PTGFRN: variants seen among roughly 807,000 people sequenced by gnomAD.
PTGFRN encodes prostaglandin F2 receptor negative regulator.
Under a neutral mutation model 83.2 loss-of-function variants are expected in PTGFRN, and 35 were observed. That is an observed-to-expected ratio of 0.42 (90% confidence interval 0.32 to 0.56). PTGFRN has a LOEUF of 0.56. Ranked by LOEUF, PTGFRN falls within the 20% of genes least tolerant of loss-of-function variation. The pLI is 0.11. For missense variants in PTGFRN, 1,051 were observed against 1,179.5 expected (o/e 0.89, Z 1.60); for synonymous variants, 519 against 498.6 (o/e 1.04, Z -0.55).
intron 1 of PTGFRN, among the ~76,000 whole-genome samples, chr1:116,938,778 G>A (rs1201961964): frequency 6.6e-6 from 1 of 152,186 alleles, no homozygotes; most frequent in Admixed American, 6.5e-5. Flanking sequence ...GACAAGGCAA[G>A]TTCCTTCTGC....
Position 116,949,414 on chromosome 1 carries a change from A to C in PTGFRN, c.1055A>C (p.Asp352Ala), listed in dbSNP as rs561296592. 731 of 1,614,220 alleles carry C rather than the reference A, an allele frequency of 4.5e-4. 7 individuals carry two copies. In the South Asian group the frequency reaches 7.7e-3, roughly 17 times the overall value. The change falls in exon 4 of 9, where the codon GAT (aspartate) becomes GCT (alanine). Residue 352 changes from aspartate to alanine, a missense_variant. Around this residue, in one of 3 missense-constraint regions of PTGFRN, gnomAD observed 719 missense variants for 836.6 expected, o/e 0.86. Transcript: ENST00000393203. ...CCTCATGTTGCTTTGAGTCATGTGG[A>C]TGCACGCTCCTACCATTTACTGGTT... ...SSPHVALSHV[D>A]ARSYHLLVRD... is the part of the protein sequence containing the mutation.
chr1:116,974,188 A>G (rs372725916), intron 6 of PTGFRN, 28 bp from the exon 7 acceptor site: 12 of 1,492,302 alleles, frequency 8.0e-6, no homozygotes, highest in African/African-American at 2.8e-5. Context: ...GAAAGAGAAT[A>G]ATGAGGCTGG....
chr1:116,959,679 G>A (rs891034371), intron 4 of PTGFRN, among the ~76,000 whole-genome samples: 3 of 152,106 alleles, frequency 2.0e-5, no homozygotes, highest in African/African-American at 7.2e-5. Flanking sequence ...GAAGAAAAAC[G>A]TAGCCCTTTA....
At position 116,986,795 on chromosome 1, in the gene PTGFRN, T is replaced by G. The variant is rs769309275; in HGVS notation, c.2474-6T>G. 1.2e-6 allele frequency: 2 copies of G among 1,613,752 alleles called. No individual in the cohort carries two copies. The highest frequency in any genetic ancestry group is 2.2e-5 in the South Asian group (2 of 91,076). On this transcript the variant is annotated splice_region_variant and splice_polypyrimidine_tract_variant and intron_variant, in intron 8 of 8. Transcript: ENST00000393203. The stretch of plus-strand genomic sequence containing the variant: ...ACTGGCTTCCCCTTTGATCTCTCCC[T>G]CCCAGTGCTGAACGCCTTCAAGTAT...
At chr1:116,982,168 G>T (rs1221217619) in intron 7 of PTGFRN, among the ~76,000 whole-genome samples, 2 of 152,172 alleles carry the variant, frequency 1.3e-5, no homozygotes, top group African/African-American at 4.8e-5. Context: ...TACCATGTTT[G>T]CCCTTAAAGT....
intron 1 of PTGFRN, among the ~76,000 whole-genome samples, chr1:116,930,446 A>G (rs916572736): frequency 6.6e-6 from 1 of 150,736 alleles, no homozygotes; most frequent in Non-Finnish European, 1.5e-5. Flanking sequence ...TTTCCTTTTT[A>G]CCCCCCACTC....
At chr1:116,985,551 AAAAC>A (rs918340437) in intron 8 of PTGFRN, among the ~76,000 whole-genome samples, 44 of 152,138 alleles carry the variant, frequency 2.9e-4, no homozygotes, top group Admixed American at 9.2e-4. Context: ...ACAAAAAAGA[AAAAC>A]AAAATTAGCC....
intron 2 of PTGFRN, 34 bp from the exon 3 acceptor site, chr1:116,944,645 G>A (rs1243488147): frequency 7.2e-7 from 1 of 1,386,896 alleles, no homozygotes; most frequent in Non-Finnish European, 9.4e-7. Flanking sequence ...GGTCGGTGTG[G>A]ACGGGCTACT....
Position 116,961,095 on chromosome 1 carries a change from A to G in PTGFRN, c.1214-148A>G, listed in dbSNP as rs571394938. The G allele has an allele frequency of 1.2e-5, 11 of 884,794 alleles. No homozygotes were observed. In the South Asian group the frequency reaches 1.6e-4, roughly 13 times the overall value. The allele number at this position is 884,794 out of a possible 1,614,324, so 54.8% of individuals were successfully genotyped here. On this transcript the variant is annotated intron_variant, in intron 4 of 8. Coordinates refer to ENST00000393203, the MANE Select transcript of PTGFRN (RefSeq NM_020440.4). This position sits in a 1 kb window ranked among gnomAD's most constrained non-coding sequence, Gnocchi z 5.4. Reference sequence around the variant, plus strand: ...AAACACTGTTCTAGGATCCTATCCAATGCAACGACTGATTTCTGTCTCTCT... The same window carrying G: ...AAACACTGTTCTAGGATCCTATCCAGTGCAACGACTGATTTCTGTCTCTCT...
rs774356615 is a variant in PTGFRN, at chr1:116,984,795, C to T, written c.2283C>T (p.Asp761=). 1.9e-6 allele frequency: 3 copies of T among 1,614,140 alleles called. No individual in the cohort carries two copies. The South Asian group carries it at 3.3e-5, about 18-fold the overall frequency. The change falls in exon 8 of 9, where the codon GAC becomes GAT. Residue 761 remains aspartate, a synonymous_variant. Transcript: ENST00000393203. ...GCATCGTGACCACCTCCCGGAGGGA[C>T]TGGAAGAGCGACCTCAGCCTGGAGC... The part of the protein sequence containing the change: ...RKGIVTTSRR[D]WKSDLSLERV...
At chr1:116,982,868 G>T (rs74351896) in intron 7 of PTGFRN, among the ~76,000 whole-genome samples, 1 of 152,154 alleles carries the variant, frequency 6.6e-6, no homozygotes, top group Admixed American at 6.5e-5. Flanking sequence ...GGCCTCTGGA[G>T]GGGGGAGGGT....
intron 1 of PTGFRN, among the ~76,000 whole-genome samples, chr1:116,930,998 T>G (rs1649784606): frequency 1.3e-5 from 2 of 152,246 alleles, no homozygotes; most frequent in African/African-American, 4.8e-5. Flanking sequence ...GTCCTCATTC[T>G]CTTTTGACCC....
Position 116,934,518 on chromosome 1 carries a change from A to AT in PTGFRN, c.50-7186dup, listed in dbSNP as rs554158523. Reference sequence around the variant, plus strand: ...TTGACCTCTTAATTTCGGATATTGTATTTTTTTTTTTAGTTCTAAAATTTC... The same window carrying AT: ...TTGACCTCTTAATTTCGGATATTGTATTTTTTTTTTTTAGTTCTAAAATTTC... On this transcript the variant is annotated intron_variant, in intron 1 of 8. Transcript: ENST00000393203. Among the ~76,000 whole-genome samples the AT allele has an allele frequency of 4.3e-3, 621 of 145,808 alleles. 7 individuals are homozygous for AT. The highest frequency in any genetic ancestry group is 0.014 in the African/African-American group (545 of 39,886).
chr1:116,959,200 A>G (rs908260257), intron 4 of PTGFRN, among the ~76,000 whole-genome samples: 1 of 152,156 alleles, frequency 6.6e-6, no homozygotes, highest in Non-Finnish European at 1.5e-5. Context: ...GGTGTGGTGT[A>G]TTAGCACCAT....
chr1:116,945,161 G>A, intron 3 of PTGFRN, 69 bp downstream of exon 3: 1 of 1,521,304 alleles, frequency 6.6e-7, no homozygotes, highest in Non-Finnish European at 8.8e-7. Context: ...AAAGAACCGG[G>A]CCAGGGAGCC....
chr1:116,976,829 A>G (rs1445119714), intron 7 of PTGFRN, among the ~76,000 whole-genome samples: 1 of 152,204 alleles, frequency 6.6e-6, no homozygotes, highest in Non-Finnish European at 1.5e-5. Flanking sequence ...CGAGCAAAAT[A>G]ACTAGCTAAC....
intron 1 of PTGFRN, among the ~76,000 whole-genome samples, chr1:116,939,913 T>G (rs1337735441): frequency 1.3e-5 from 2 of 152,206 alleles, no homozygotes; most frequent in African/African-American, 4.8e-5. Context: ...TTCTCTTTGC[T>G]AAAACATAAC....
intron 6 of PTGFRN, among the ~76,000 whole-genome samples, chr1:116,972,314 G>T (rs556100947): frequency 6.6e-6 from 1 of 152,210 alleles, no homozygotes; most frequent in East Asian, 1.9e-4. Flanking sequence ...AGTTACGTAC[G>T]CCCCTGCTGT....
chr1:116,968,650 C>T (rs1650907976), intron 6 of PTGFRN, among the ~76,000 whole-genome samples: 1 of 152,016 alleles, frequency 6.6e-6, no homozygotes, highest in Non-Finnish European at 1.5e-5. Flanking sequence ...CTATCTAATT[C>T]CAGAACATTT....
Sources: allele counts gnomAD v4.1 joint callset (sites outside exome capture counted in the v4.1 genomes callset), GRCh38; gene constraint gnomAD v4.1.1; regional missense constraint gnomAD v4.1.1; non-coding constraint Gnocchi (gnomAD v3.1); transcripts MANE v1.5; gene names NCBI Gene and HGNC (gene_info 2026-07-23, HGNC 2026-07-21).